Variants in KIAA1958 observed in about 807,000 individuals in gnomAD.
KIAA1958 encodes KIAA1958.
A neutral mutation model predicts 47.2 loss-of-function variants in KIAA1958; 14 were observed. That is an observed-to-expected ratio of 0.30 (90% CI 0.20 to 0.46). The LOEUF (loss-of-function observed/expected upper bound fraction) is 0.46. Among genes scored for constraint, KIAA1958 ranks in the 20% least tolerant of loss-of-function variants. The pLI is 1.00. For synonymous variants in KIAA1958, 354 were observed against 353.3 expected (o/e 1.00, Z -0.02); for missense variants, 803 against 909.2 (o/e 0.88, Z 1.50).
intron 2 of KIAA1958, among the ~76,000 whole-genome samples, chr9:112,621,449 C>G (rs2131219894): frequency 6.6e-6 from 1 of 152,234 alleles, no homozygotes; most frequent in Non-Finnish European, 1.5e-5. Flanking sequence ...TCTGACAGCA[C>G]AGTAAGTTTG....
chr9:112,523,477 C>G (rs982762604), intron 1 of KIAA1958, among the ~76,000 whole-genome samples: 1 of 146,030 alleles, frequency 6.8e-6, no homozygotes, highest in African/African-American at 2.5e-5. Context: ...AAGCACCAAC[C>G]GGTAGATATG....
At chr9:112,499,711 CAG>C (rs1380869651) in intron 1 of KIAA1958, among the ~76,000 whole-genome samples, 2 of 126,238 alleles carry the variant, frequency 1.6e-5, no homozygotes, top group Non-Finnish European at 3.2e-5. Flanking sequence ...TTTTTTGAGA[CAG>C]AGTTTCGCTC....
chr9:112,518,910 A>G (rs374011775), intron 1 of KIAA1958, among the ~76,000 whole-genome samples: 123 of 151,932 alleles, frequency 8.1e-4, no homozygotes, highest in African/African-American at 2.7e-3. Context: ...TTTGGAACCA[A>G]ATTCATTCTT....
chr9:112,588,406 A>G (rs767010647), intron 2 of KIAA1958, among the ~76,000 whole-genome samples: 1 of 152,214 alleles, frequency 6.6e-6, no homozygotes, highest in African/African-American at 2.4e-5. Flanking sequence ...GTAAGTCTTC[A>G]ATAAGCCCGT....
At position 112,660,151 on chromosome 9, in the gene KIAA1958, G is replaced by T. The variant is rs1490870774; in HGVS notation, c.*82G>T. On this transcript the variant is annotated 3_prime_UTR_variant, in exon 4 of 4. Coordinates refer to ENST00000337530, the MANE Select transcript of KIAA1958 (RefSeq NM_133465.4). ...AGCAGCTGGAGCTCCTTGGAGGCAG[G>T]GGCTGACCAGGTGTGACCTCCCGGT... is the stretch of plus-strand genomic sequence containing the variant. The T allele has an allele frequency of 7.8e-7, 1 of 1,278,200 alleles. No individual in the cohort carries two copies. Among genetic ancestry groups the T allele is most frequent in the Non-Finnish European group, 1.1e-6 (1 of 907,212 alleles). The allele number at this position is 1,278,200 out of a possible 1,614,324, so 79.2% of individuals were successfully genotyped here.
intron 3 of KIAA1958, among the ~76,000 whole-genome samples, chr9:112,657,036 A>G (rs1837163607): frequency 6.6e-6 from 1 of 151,876 alleles, no homozygotes; most frequent in Non-Finnish European, 1.5e-5. Context: ...CAAAGATTAC[A>G]TTTTTATCTA....
chr9:112,538,394 T>C (rs1383970275), intron 1 of KIAA1958, among the ~76,000 whole-genome samples: 3 of 152,014 alleles, frequency 2.0e-5, no homozygotes, highest in African/African-American at 7.2e-5. Context: ...CAGACTGAAC[T>C]AAATAAACCT....
intron 1 of KIAA1958, among the ~76,000 whole-genome samples, chr9:112,558,721 C>CAA (rs1444224640): frequency 6.6e-6 from 1 of 152,200 alleles, no homozygotes; most frequent in Non-Finnish European, 1.5e-5. Context: ...TTTCAGCACT[C>CAA]ACCATCCACA....
chr9:112,538,957 A>C (rs1834897439), intron 1 of KIAA1958, among the ~76,000 whole-genome samples: 1 of 152,256 alleles, frequency 6.6e-6, no homozygotes, highest in African/African-American at 2.4e-5. Context: ...GTTCAGCAGC[A>C]TCAGTCATAG....
At chr9:112,570,088 G>C (rs939280171) in intron 1 of KIAA1958, among the ~76,000 whole-genome samples, 1 of 152,206 alleles carries the variant, frequency 6.6e-6, no homozygotes, top group African/African-American at 2.4e-5. Context: ...TGAAGCATGT[G>C]CTAGTTCTTC....
chr9:112,595,381 C>T (rs537386837), intron 2 of KIAA1958, among the ~76,000 whole-genome samples: 97 of 152,234 alleles, frequency 6.4e-4, no homozygotes, highest in East Asian at 9.7e-4. Context: ...ATTAAGCTGG[C>T]CGGGTGCAGT....
intron 3 of KIAA1958, among the ~76,000 whole-genome samples, chr9:112,650,626 A>G (rs1447989724): frequency 6.6e-6 from 1 of 152,134 alleles, no homozygotes; most frequent in African/African-American, 2.4e-5. Context: ...TAAATGGAAA[A>G]GAAGAGGAAA....
chr9:112,488,174 A>C (rs1156330476), intron 1 of KIAA1958, among the ~76,000 whole-genome samples: 2 of 152,008 alleles, frequency 1.3e-5, no homozygotes, highest in Admixed American at 6.6e-5. Flanking sequence ...GATTTAAGAT[A>C]TGAGATCTTT....
At chr9:112,510,044 C>T (rs963854766) in intron 1 of KIAA1958, among the ~76,000 whole-genome samples, 3 of 152,176 alleles carry the variant, frequency 2.0e-5, no homozygotes, top group Admixed American at 2.0e-4. Flanking sequence ...GGAAGTGGTG[C>T]AGCCCCTTCC....
rs367906569 is a variant in KIAA1958, at chr9:112,574,804, G to T, written c.724G>T (p.Ala242Ser). The change falls in exon 2 of 4, where the codon GCT (alanine) becomes TCT (serine). Residue 242 changes from alanine to serine, a missense_variant. Ala to Ser is a moderately conservative substitution (Grantham distance 99, BLOSUM62 1). Transcript: ENST00000337530. ...QMAKPKPQTH[A>S]GPSCVGSAKL... ...GGCAAAACCCAAGCCTCAGACTCAC[G>T]CTGGTCCCTCCTGTGTAGGGTCTGC... is the stretch of plus-strand genomic sequence containing the variant. 1.9e-6 allele frequency: 3 copies of T among 1,614,110 alleles called. No homozygotes were observed. The highest frequency in any genetic ancestry group is 2.5e-6 in the Non-Finnish European group (3 of 1,180,008).
chr9:112,529,929 T>C (rs959760659), intron 1 of KIAA1958, among the ~76,000 whole-genome samples: 13 of 152,198 alleles, frequency 8.5e-5, no homozygotes, highest in African/African-American at 1.2e-4. Flanking sequence ...CTGCAAGCTC[T>C]GCCTCCTGGG....
intron 1 of KIAA1958, among the ~76,000 whole-genome samples, chr9:112,573,253 G>A (rs529422459): frequency 6.6e-6 from 1 of 152,264 alleles, no homozygotes; most frequent in South Asian, 2.1e-4. Context: ...CCCTCAGATG[G>A]TAGAAAACAC....
chr9:112,567,892 A>T (rs903642186), intron 1 of KIAA1958, among the ~76,000 whole-genome samples: 1 of 129,774 alleles, frequency 7.7e-6, no homozygotes, highest in South Asian at 2.6e-4. Context: ...TGTGAGGCGG[A>T]GGTTGCAGTG....
At chr9:112,588,264 C>G (rs1835863689) in intron 2 of KIAA1958, among the ~76,000 whole-genome samples, 1 of 152,158 alleles carries the variant, frequency 6.6e-6, no homozygotes. Context: ...TATTCATATT[C>G]TAAGATTGCA....
Sources: gnomAD v4.1 joint callset for allele counts (sites outside exome capture counted in the v4.1 genomes callset) on GRCh38, gnomAD v4.1.1 for gene constraint, MANE v1.5 for transcripts, NCBI Gene and HGNC (gene_info 2026-07-23, HGNC 2026-07-21) for gene names.